The following LRRC4C variants were observed in gnomAD, a reference collection of about 807,000 sequenced individuals.
The protein encoded by LRRC4C is leucine-rich repeat-containing protein 4C.
A neutral mutation model predicts 33.6 loss-of-function variants in LRRC4C; 5 were observed. The observed-to-expected ratio is 0.15, with a 90% CI of 0.08 to 0.31. The LOEUF is 0.31. Among genes scored for constraint, LRRC4C ranks in the 10% least tolerant of loss-of-function variants. The pLI, the probability that LRRC4C is intolerant of heterozygous loss-of-function variation, is 1.00. For missense variants in LRRC4C, 560 were observed against 796.7 expected (o/e 0.70, Z 3.58); for synonymous variants, 329 against 302.0 (o/e 1.09, Z -0.93).
chr11:41,238,314 C>CT (rs1176258490), intron 1 of LRRC4C, among the ~76,000 whole-genome samples: 1 of 152,122 alleles, frequency 6.6e-6, no homozygotes, highest in East Asian at 1.9e-4. Flanking sequence ...ACATCTGTGT[C>CT]TGAGTGCTTG....
chr11:41,411,975 T>G (rs781581970), intron 1 of LRRC4C, among the ~76,000 whole-genome samples: 1 of 152,090 alleles, frequency 6.6e-6, no homozygotes, highest in Non-Finnish European at 1.5e-5. Flanking sequence ...AGTTGGAAAA[T>G]AAGTGTACAA....
At chr11:40,959,258 A>G (rs879775456) in intron 1 of LRRC4C, among the ~76,000 whole-genome samples, 3 of 151,660 alleles carry the variant, frequency 2.0e-5, no homozygotes, top group Non-Finnish European at 4.4e-5. Flanking sequence ...AGTGGTTTAT[A>G]AAATTGTGTC....
At chr11:40,761,039 G>A (rs1263667217) in intron 2 of LRRC4C, among the ~76,000 whole-genome samples, 1 of 151,586 alleles carries the variant, frequency 6.6e-6, no homozygotes, top group African/African-American at 2.4e-5. Context: ...AATATTTTAT[G>A]ACATGAAGCA....
chr11:41,454,293 C>A lies in LRRC4C; in HGVS notation c.-496+5138G>T, dbSNP rs116800545. Among the ~76,000 whole-genome samples the A allele has an allele frequency of 4.8e-3, 728 of 152,218 alleles. 6 individuals are homozygous for A. Among genetic ancestry groups the A allele is most frequent in the African/African-American group, 0.016 (683 of 41,538 alleles). On this transcript the variant is annotated intron_variant, in intron 1 of 6. Coordinates refer to ENST00000528697, the MANE Select transcript of LRRC4C (RefSeq NM_001258419.2). ...ATAAAGGTCACACAGAATGACACAG[C>A]CCCACATAGGTCAGATTCTGGCAGA... is the stretch of plus-strand genomic sequence containing the variant.
At chr11:40,577,374 T>C (rs1391057343) in intron 3 of LRRC4C, among the ~76,000 whole-genome samples, 1 of 152,192 alleles carries the variant, frequency 6.6e-6, no homozygotes, top group Admixed American at 6.5e-5. Flanking sequence ...TCGTATAGTT[T>C]ATACTACAAA....
chr11:41,043,394 T>C (rs1258497886), intron 1 of LRRC4C, among the ~76,000 whole-genome samples: 1 of 152,190 alleles, frequency 6.6e-6, no homozygotes, highest in Non-Finnish European at 1.5e-5. Context: ...AATTTAAAAC[T>C]TAAATGAAAC....
At chr11:40,919,597 T>C (rs905486921) in intron 2 of LRRC4C, among the ~76,000 whole-genome samples, 1 of 152,134 alleles carries the variant, frequency 6.6e-6, no homozygotes, top group African/African-American at 2.4e-5. Context: ...CTTATTATCT[T>C]ACTGTCTGTC....
chr11:40,652,182 C>T (rs952642399), intron 2 of LRRC4C, among the ~76,000 whole-genome samples: 15 of 152,114 alleles, frequency 9.9e-5, no homozygotes, highest in Non-Finnish European at 1.9e-4. Flanking sequence ...TGTCTTAAGC[C>T]TCAGGGTCAA....
At chr11:40,891,372 A>G (rs988849287) in intron 2 of LRRC4C, among the ~76,000 whole-genome samples, 3 of 152,330 alleles carry the variant, frequency 2.0e-5, no homozygotes, top group Admixed American at 6.5e-5. Context: ...TTTATTATTT[A>G]AAGAGACATT....
intron 2 of LRRC4C, among the ~76,000 whole-genome samples, chr11:40,896,930 C>A (rs746000699): frequency 5.9e-5 from 9 of 151,940 alleles, no homozygotes; most frequent in Non-Finnish European, 8.8e-5. Context: ...TTCTTAAGGG[C>A]ATAACAAAGG....
chr11:40,243,712 C>T (rs573623289), intron 4 of LRRC4C, among the ~76,000 whole-genome samples: 6 of 115,340 alleles, frequency 5.2e-5, no homozygotes, highest in East Asian at 5.0e-4. Context: ...TTTTTTGAGA[C>T]AGAGTCTCAC....
intron 2 of LRRC4C, among the ~76,000 whole-genome samples, chr11:40,875,725 G>A (rs760581637): frequency 4.6e-5 from 7 of 152,036 alleles, no homozygotes; most frequent in African/African-American, 7.2e-5. Flanking sequence ...TCCAGGGACC[G>A]GTTTCATGGA....
intron 6 of LRRC4C, among the ~76,000 whole-genome samples, chr11:40,129,554 C>T (rs1017746927): frequency 1.3e-5 from 2 of 152,126 alleles, no homozygotes; most frequent in Admixed American, 6.6e-5. Context: ...TTTGCTTCTT[C>T]CCACCTACAT....
intron 3 of LRRC4C, among the ~76,000 whole-genome samples, chr11:40,566,086 G>GTTTTTTTT: frequency 8.0e-5 from 5 of 62,790 alleles, no homozygotes; most frequent in Admixed American, 2.1e-4. Context: ...TTTTTACTAA[G>GTTTTTTTT]TTTTTTTTTT....
At chr11:40,499,218 A>T (rs1329159470) in intron 3 of LRRC4C, among the ~76,000 whole-genome samples, 1 of 152,156 alleles carries the variant, frequency 6.6e-6, no homozygotes, top group Admixed American at 6.5e-5. Context: ...TCTTAGGTGA[A>T]CAGCATGTCT....
intron 3 of LRRC4C, among the ~76,000 whole-genome samples, chr11:40,572,289 T>G (rs1958013455): frequency 6.6e-6 from 1 of 152,180 alleles, no homozygotes; most frequent in Admixed American, 6.5e-5. Context: ...GACCCAGGTT[T>G]AGATGCCATA....
chr11:40,617,890 A>G (rs1402700758), intron 3 of LRRC4C, among the ~76,000 whole-genome samples: 1 of 151,646 alleles, frequency 6.6e-6, no homozygotes, highest in Non-Finnish European at 1.5e-5. Context: ...GAAGAGTGTA[A>G]CTTACTGAGG....
At chr11:40,396,669 T>A (rs531716041) in intron 3 of LRRC4C, among the ~76,000 whole-genome samples, 1 of 152,286 alleles carries the variant, frequency 6.6e-6, no homozygotes, top group African/African-American at 2.4e-5. Context: ...TGGTGATATT[T>A]ACTAGGTGCT....
chr11:41,233,315 T>G (rs1026403732), intron 1 of LRRC4C, among the ~76,000 whole-genome samples: 4 of 151,912 alleles, frequency 2.6e-5, no homozygotes, highest in African/African-American at 9.7e-5. Flanking sequence ...AATGTTGGCC[T>G]TAGGGGGAAA....
Sources: allele counts gnomAD v4.1 joint callset (sites outside exome capture counted in the v4.1 genomes callset), GRCh38; gene constraint gnomAD v4.1.1; transcripts MANE v1.5; gene names NCBI Gene and HGNC (gene_info 2026-07-23, HGNC 2026-07-21).